Variants in WRN observed in about 807,000 individuals in gnomAD.
WRN encodes WRN RecQ like helicase, also known as bifunctional 3'-5' exonuclease/ATP-dependent helicase WRN.
A neutral mutation model predicts 180.7 loss-of-function variants in WRN; 149 were observed. The ratio of observed to expected loss-of-function variants is 0.82; its 90% CI spans 0.72 to 0.94. The LOEUF is 0.94. WRN is among the 40% of genes least tolerant of loss of function. The pLI is 0.00. For missense variants in WRN, 1,661 were observed against 1,700.1 expected (o/e 0.98, Z 0.40); for synonymous variants, 548 against 568.9 (o/e 0.96, Z 0.52).
chr8:31,086,622 T>C (rs545537858), intron 11 of WRN, among the ~76,000 whole-genome samples: 2 of 151,962 alleles, frequency 1.3e-5, no homozygotes, highest in Non-Finnish European at 2.9e-5. Context: ...AATTCAGATG[T>C]AGGTTTGTAT....
chr8:31,165,235 G>A (rs1224885455), intron 33 of WRN, among the ~76,000 whole-genome samples: 2 of 151,862 alleles, frequency 1.3e-5, no homozygotes, highest in Non-Finnish European at 2.9e-5. Flanking sequence ...TAAAAAATTG[G>A]TTTATAAATA....
intron 1 of WRN, among the ~76,000 whole-genome samples, chr8:31,053,496 A>G (rs1490397884): frequency 2.6e-5 from 4 of 152,234 alleles, no homozygotes; most frequent in Admixed American, 1.3e-4. Context: ...CTATTTTATT[A>G]CTGATTATGT....
chr8:31,067,536 T>A (rs1279206549), intron 6 of WRN, among the ~76,000 whole-genome samples: 1 of 152,160 alleles, frequency 6.6e-6, no homozygotes, highest in Non-Finnish European at 1.5e-5. Context: ...TATAAACAAT[T>A]CAGAATGAAA....
At chr8:31,140,159 C>T (rs940210426) in intron 24 of WRN, among the ~76,000 whole-genome samples, 2 of 151,344 alleles carry the variant, frequency 1.3e-5, no homozygotes, top group Non-Finnish European at 2.9e-5. Flanking sequence ...TCCTGAGTAG[C>T]GGAACAACAG....
In WRN at chr8:31,175,641, A is replaced by C. The variant is rs1467649094; in HGVS notation, c.*2539A>C. Among the ~76,000 whole-genome samples, 1 of 152,234 alleles carries C rather than the reference A, an allele frequency of 6.6e-6. No homozygotes were observed. The highest frequency in any genetic ancestry group is 1.5e-5 in the Non-Finnish European group (1 of 68,044). On this transcript the variant is annotated 3_prime_UTR_variant, in exon 35 of 35. Coordinates refer to ENST00000298139, the MANE Select transcript of WRN (RefSeq NM_000553.6). ...GAACAATGTCCACCATTATCTGAAC[A>C]GGCTATTAAAATACTCTTCTCTTTT... is the stretch of plus-strand genomic sequence containing the variant.
chr8:31,166,868 A>G (rs571739940), intron 33 of WRN, among the ~76,000 whole-genome samples, 154 bp from the exon 34 acceptor site: 1 of 152,118 alleles, frequency 6.6e-6, no homozygotes, highest in Non-Finnish European at 1.5e-5. Flanking sequence ...CTCCATTTCC[A>G]TTCCGTAAGG....
chr8:31,036,381 CTGT>C (rs1811453981), intron 1 of WRN, among the ~76,000 whole-genome samples: 1 of 152,200 alleles, frequency 6.6e-6, no homozygotes, highest in Non-Finnish European at 1.5e-5. Context: ...AATATATACC[CTGT>C]AGTGGATTTG....
intron 8 of WRN, among the ~76,000 whole-genome samples, chr8:31,079,605 T>C (rs1421612452): frequency 6.6e-5 from 10 of 152,246 alleles, no homozygotes; most frequent in Admixed American, 6.5e-4. Context: ...TTAGTTAAAA[T>C]GTTATACATT....
intron 23 of WRN, among the ~76,000 whole-genome samples, chr8:31,127,386 A>C (rs1422272625): frequency 6.6e-6 from 1 of 152,190 alleles, no homozygotes; most frequent in East Asian, 1.9e-4. Flanking sequence ...AGAACTTTAC[A>C]CATACATACA....
intron 23 of WRN, among the ~76,000 whole-genome samples, chr8:31,129,320 T>G (rs1802054105): frequency 6.6e-6 from 1 of 152,220 alleles, no homozygotes; most frequent in Non-Finnish European, 1.5e-5. Context: ...AACACAGCCA[T>G]GCCTTTTGTT....
chr8:31,099,248 G>GA (rs1043736041), intron 17 of WRN, among the ~76,000 whole-genome samples: 4 of 151,738 alleles, frequency 2.6e-5, no homozygotes, highest in Non-Finnish European at 5.9e-5. Flanking sequence ...AATACAAAAA[G>GA]AAAAAATTAG....
intron 33 of WRN, among the ~76,000 whole-genome samples, chr8:31,164,809 C>T (rs907163761): frequency 3.9e-5 from 6 of 152,018 alleles, no homozygotes; most frequent in Admixed American, 1.3e-4. Context: ...ACACTGAAGG[C>T]GTGTAGCCAG....
At chr8:31,161,769 G>A (rs757549881) in intron 33 of WRN, among the ~76,000 whole-genome samples, 5 of 150,312 alleles carry the variant, frequency 3.3e-5, no homozygotes, top group African/African-American at 4.9e-5. Flanking sequence ...AACCCAGGAG[G>A]TGGAGGTTGC....
chr8:31,120,223 G>A lies in WRN; in HGVS notation c.2449-20G>A. ...TTCTGCTAAATATGTTTGTCAAACT[G>A]TGTTGTGATTTGTTCTCAGTGTGTC... On this transcript the variant is annotated intron_variant, in intron 20 of 34. Coordinates refer to ENST00000298139, the MANE Select transcript of WRN (RefSeq NM_000553.6). 6.2e-7 allele frequency: 1 copy of A among 1,612,056 alleles called. No homozygotes were observed.
chr8:31,157,289 A>G (rs1288317452), intron 32 of WRN, 79 bp from the exon 33 acceptor site: 1 of 1,586,506 alleles, frequency 6.3e-7, no homozygotes, highest in Non-Finnish European at 8.6e-7. Flanking sequence ...TTACTACCTG[A>G]ATGTTTTGGA....
At chr8:31,168,684 T>C (rs1313008207) in intron 34 of WRN, among the ~76,000 whole-genome samples, 1 of 152,188 alleles carries the variant, frequency 6.6e-6, no homozygotes, top group Non-Finnish European at 1.5e-5. Flanking sequence ...CCTCCCTGTA[T>C]GAAAAGCTGA....
At chr8:31,116,913 C>T (rs1441840074) in intron 20 of WRN, among the ~76,000 whole-genome samples, 1 of 152,094 alleles carries the variant, frequency 6.6e-6, no homozygotes, top group African/African-American at 2.4e-5. Context: ...GATATGAGAA[C>T]ACATACTGGG....
chr8:31,061,897 G>T (rs562963809), intron 3 of WRN, among the ~76,000 whole-genome samples: 1 of 152,082 alleles, frequency 6.6e-6, no homozygotes, highest in Non-Finnish European at 1.5e-5. Flanking sequence ...GCTTGTCTTC[G>T]TATTCTGCAA....
intron 33 of WRN, among the ~76,000 whole-genome samples, chr8:31,163,611 A>G (rs745528694): frequency 1.3e-5 from 2 of 152,170 alleles, no homozygotes; most frequent in Non-Finnish European, 2.9e-5. Flanking sequence ...TAACTTATTT[A>G]TAATCAGTTT....
Sources: gnomAD v4.1 joint callset for allele counts (sites outside exome capture counted in the v4.1 genomes callset) on GRCh38, gnomAD v4.1.1 for gene constraint, MANE v1.5 for transcripts, NCBI Gene and HGNC (gene_info 2026-07-23, HGNC 2026-07-21) for gene names.